KCNIP4: variants seen among roughly 807,000 people sequenced by gnomAD.
KCNIP4 encodes the protein potassium voltage-gated channel interacting protein 4.
KCNIP4 carries 12 observed loss-of-function variants against 34.0 expected under a neutral mutation model. The ratio of observed to expected loss-of-function variants is 0.35; its 90% CI spans 0.23 to 0.57. The LOEUF (loss-of-function observed/expected upper bound fraction) is 0.57. KCNIP4 is among the 20% of genes least tolerant of loss of function. The pLI is 0.83. For synonymous variants in KCNIP4, 124 were observed against 102.2 expected, an observed-to-expected ratio of 1.21 and a Z score of -1.29; for missense variants, 238 against 311.7, an observed-to-expected ratio of 0.76 and a Z score of 1.78.
At chr4:21,421,391 A>G (rs955681058) in intron 1 of KCNIP4, among the ~76,000 whole-genome samples, 8 of 152,204 alleles carry the variant, frequency 5.3e-5, no homozygotes, top group Admixed American at 5.2e-4. Context: ...GGATGGATAA[A>G]TGGATAAAGA....
At chr4:21,404,979 A>C (rs1723848026) in intron 1 of KCNIP4, among the ~76,000 whole-genome samples, 1 of 152,096 alleles carries the variant, frequency 6.6e-6, no homozygotes, top group Non-Finnish European at 1.5e-5. Context: ...CCTTGTAAAA[A>C]CCAGTTTTAG....
At chr4:21,799,581 A>G (rs1450728) in intron 1 of KCNIP4, among the ~76,000 whole-genome samples, 2,815 of 152,270 alleles carry the variant, frequency 0.018, 77 homozygotes, top group African/African-American at 0.063. Flanking sequence ...TTGCTTAGTT[A>G]TGACTTTAAC....
At chr4:21,575,732 C>G (rs1488498040) in intron 1 of KCNIP4, among the ~76,000 whole-genome samples, 2 of 152,100 alleles carry the variant, frequency 1.3e-5, no homozygotes, top group East Asian at 3.8e-4. Context: ...TTATAACAAA[C>G]CAAATTTATT....
chr4:21,053,052 T>A (rs547068762), intron 1 of KCNIP4, among the ~76,000 whole-genome samples: 9 of 151,094 alleles, frequency 6.0e-5, no homozygotes, highest in African/African-American at 7.3e-5. Context: ...TATATATATA[T>A]AAATAAAAAT....
At chr4:20,755,021 C>T (rs1403621748) in intron 4 of KCNIP4, among the ~76,000 whole-genome samples, 2 of 151,888 alleles carry the variant, frequency 1.3e-5, no homozygotes, top group East Asian at 1.9e-4. Flanking sequence ...TAATTAATTC[C>T]CCAAATTAAT....
chr4:21,870,440 G>C (rs1216674895), intron 1 of KCNIP4, among the ~76,000 whole-genome samples: 2 of 152,102 alleles, frequency 1.3e-5, no homozygotes, highest in African/African-American at 4.8e-5. Context: ...TGTCATAACA[G>C]TAAAAAACAC....
At chr4:20,990,292 G>A (rs997095022) in intron 1 of KCNIP4, among the ~76,000 whole-genome samples, 1 of 152,222 alleles carries the variant, frequency 6.6e-6, no homozygotes, top group African/African-American at 2.4e-5. Context: ...TTCTCCAGAT[G>A]AACTTTCTGC....
intron 1 of KCNIP4, among the ~76,000 whole-genome samples, chr4:21,129,603 C>T (rs929724372): frequency 6.6e-6 from 1 of 152,190 alleles, no homozygotes; most frequent in Non-Finnish European, 1.5e-5. Context: ...GTTTACCTGG[C>T]TTACATATAG....
intron 1 of KCNIP4, among the ~76,000 whole-genome samples, chr4:21,058,551 C>T (rs1743625859): frequency 6.6e-6 from 1 of 151,882 alleles, no homozygotes; most frequent in Admixed American, 6.6e-5. Context: ...AATTATGGTC[C>T]CTAAATCATA....
intron 1 of KCNIP4, among the ~76,000 whole-genome samples, chr4:21,654,367 A>T (rs180689010): frequency 3.8e-4 from 58 of 152,354 alleles, no homozygotes; most frequent in African/African-American, 1.4e-3. Context: ...TGCAATCTAA[A>T]GTGTATTCCA....
intron 1 of KCNIP4, among the ~76,000 whole-genome samples, chr4:21,883,103 T>A (rs952995982): frequency 2.6e-5 from 4 of 151,334 alleles, no homozygotes; most frequent in African/African-American, 9.7e-5. Context: ...GAAAGGCAAA[T>A]AAGCTTTATA....
At chr4:20,988,303 C>A (rs1331592182) in intron 1 of KCNIP4, among the ~76,000 whole-genome samples, 1 of 152,154 alleles carries the variant, frequency 6.6e-6, no homozygotes, top group Non-Finnish European at 1.5e-5. Context: ...GACAGAAACT[C>A]TTAGGAAAGT....
At position 20,882,674 on chromosome 4, in the gene KCNIP4, T is replaced by C; in HGVS notation, c.97A>G (p.Ile33Val). The C allele has an allele frequency of 6.2e-7, 1 of 1,613,658 alleles. No homozygotes were observed. Among genetic ancestry groups the C allele is most frequent in the Non-Finnish European group, 8.5e-7 (1 of 1,179,850 alleles). The change falls in exon 2 of 9, where the codon ATT becomes GTT. Residue 33 changes from isoleucine (I) to valine (V), a missense_variant. Transcript: ENST00000382152. ...LYAQNSTKRS[I>V]KERLMKLLPC... ...AAGAGCTTCATGAGCCGCTCTTTAA[T>C]GCTGCGCTTGGTGCTGTTCTGAGCG...
chr4:21,616,510 T>G (rs1234776592), intron 1 of KCNIP4, among the ~76,000 whole-genome samples: 1 of 152,210 alleles, frequency 6.6e-6, no homozygotes, highest in East Asian at 1.9e-4. Context: ...CCTGGGGCTG[T>G]CGTAACAAAT....
chr4:21,896,310 C>T (rs1239660882), intron 1 of KCNIP4, among the ~76,000 whole-genome samples: 7 of 152,106 alleles, frequency 4.6e-5, no homozygotes, highest in Admixed American at 2.0e-4. Flanking sequence ...GTTATACACA[C>T]CTAAAGGAGC....
intron 1 of KCNIP4, among the ~76,000 whole-genome samples, chr4:21,182,479 A>G (rs1754912910): frequency 6.7e-6 from 1 of 148,916 alleles, no homozygotes; most frequent in African/African-American, 2.5e-5. Flanking sequence ...CCTTCTAATA[A>G]TACATTTAAG....
intron 3 of KCNIP4, among the ~76,000 whole-genome samples, chr4:20,769,923 C>G (rs972415004): frequency 6.6e-6 from 1 of 152,152 alleles, no homozygotes; most frequent in Non-Finnish European, 1.5e-5. Flanking sequence ...GTAAAGGACT[C>G]GTGTGATTAG....
intron 1 of KCNIP4, among the ~76,000 whole-genome samples, chr4:21,389,669 T>C (rs1204902972): frequency 6.6e-6 from 1 of 151,962 alleles, no homozygotes; most frequent in East Asian, 1.9e-4. Context: ...CCATGGTGTA[T>C]ATGTGCCACA....
At chr4:21,208,760 T>G (rs1189330153) in intron 1 of KCNIP4, among the ~76,000 whole-genome samples, 3 of 152,132 alleles carry the variant, frequency 2.0e-5, no homozygotes, top group Admixed American at 6.6e-5. Context: ...CTGCCCAAGA[T>G]TAGGTAATTT....
Sources: gnomAD v4.1 joint callset for allele counts (sites outside exome capture counted in the v4.1 genomes callset) on GRCh38, gnomAD v4.1.1 for gene constraint, MANE v1.5 for transcripts, NCBI Gene and HGNC (gene_info 2026-07-23, HGNC 2026-07-21) for gene names.